The following ATXN1 variants were observed in gnomAD, a reference collection of about 807,000 sequenced individuals.
ATXN1 encodes ataxin-1.
Under a neutral mutation model 56.4 loss-of-function variants are expected in ATXN1, and 8 were observed. The observed-to-expected ratio is 0.14, with a 90% confidence interval of 0.08 to 0.26. ATXN1 has a LOEUF of 0.26. Among genes scored for constraint, ATXN1 ranks in the 10% least tolerant of loss-of-function variants. The pLI, the probability that ATXN1 is intolerant of heterozygous loss-of-function variation, is 1.00. For synonymous variants in ATXN1, 514 were observed against 494.6 expected (o/e 1.04, Z -0.52); for missense variants, 987 against 1,106.5 (o/e 0.89, Z 1.53).
intron 3 of ATXN1, among the ~76,000 whole-genome samples, chr6:16,588,088 T>G (rs1762660449): frequency 6.6e-6 from 1 of 152,128 alleles, no homozygotes; most frequent in South Asian, 2.1e-4. Context: ...CCTAGCTCAG[T>G]GATGGCATCA....
intron 2 of ATXN1, among the ~76,000 whole-genome samples, chr6:16,721,640 A>T (rs374014054): frequency 8.5e-5 from 13 of 152,284 alleles, no homozygotes; most frequent in Middle Eastern, 3.4e-3. Context: ...AAAAATAAAT[A>T]AATAAATACG....
chr6:16,617,135 G>A (rs1325297980), intron 3 of ATXN1, among the ~76,000 whole-genome samples: 1 of 151,856 alleles, frequency 6.6e-6, no homozygotes, highest in Non-Finnish European at 1.5e-5. Flanking sequence ...TACTGTATAA[G>A]GAAAATAAAG....
chr6:16,626,126 C>A (rs566261999), intron 3 of ATXN1, among the ~76,000 whole-genome samples: 1 of 152,240 alleles, frequency 6.6e-6, no homozygotes, highest in South Asian at 2.1e-4. Context: ...CCTAGTACAA[C>A]GCCTGACACA....
chr6:16,463,472 C>T (rs1581780272), intron 6 of ATXN1, among the ~76,000 whole-genome samples: 1 of 152,302 alleles, frequency 6.6e-6, no homozygotes, highest in East Asian at 1.9e-4. Context: ...ACTTCATTAT[C>T]CTACTACCAC....
At chr6:16,371,662 C>A (rs772604888) in intron 6 of ATXN1, among the ~76,000 whole-genome samples, 2 of 152,146 alleles carry the variant, frequency 1.3e-5, no homozygotes, top group Non-Finnish European at 2.9e-5. Context: ...AAGTGATCCT[C>A]CCATCTCAGC....
chr6:16,582,743 C>A (rs1355305478), intron 4 of ATXN1, among the ~76,000 whole-genome samples: 1 of 152,142 alleles, frequency 6.6e-6, no homozygotes, highest in Non-Finnish European at 1.5e-5. Context: ...TCTGGTAAGC[C>A]CTTGACAACC....
chr6:16,724,282 A>G (rs969621345), intron 2 of ATXN1, among the ~76,000 whole-genome samples: 1 of 152,066 alleles, frequency 6.6e-6, no homozygotes, highest in East Asian at 1.9e-4. Flanking sequence ...GAGAAAATTC[A>G]TGAAGTCTCC....
chr6:16,532,891 CA>C (rs556331086), intron 4 of ATXN1, among the ~76,000 whole-genome samples: 53 of 152,052 alleles, frequency 3.5e-4, no homozygotes, highest in South Asian at 1.9e-3. Context: ...GGTATATACC[CA>C]AAAAAACTGA....
At chr6:16,539,343 G>T (rs137936389) in intron 4 of ATXN1, among the ~76,000 whole-genome samples, 10 of 152,150 alleles carry the variant, frequency 6.6e-5, no homozygotes, top group African/African-American at 2.4e-4. Context: ...AAAGAAAAAA[G>T]AAACCCAGCC....
At chr6:16,733,581 AC>A (rs1760042465) in intron 2 of ATXN1, among the ~76,000 whole-genome samples, 1 of 151,236 alleles carries the variant, frequency 6.6e-6, no homozygotes, top group Non-Finnish European at 1.5e-5. Context: ...AAAAAAAGAA[AC>A]AGGCCAGGCA....
chr6:16,685,432 C>T (rs996127670), intron 2 of ATXN1, among the ~76,000 whole-genome samples: 3 of 152,166 alleles, frequency 2.0e-5, no homozygotes, highest in South Asian at 4.2e-4. Context: ...AGGGAGTTCC[C>T]CCGCCCACAG....
intron 2 of ATXN1, among the ~76,000 whole-genome samples, chr6:16,659,956 G>A (rs529607333): frequency 1.3e-5 from 2 of 152,058 alleles, no homozygotes; most frequent in African/African-American, 4.8e-5. Flanking sequence ...AAAAAATAAG[G>A]ACTCATCTAA....
chr6:16,678,415 T>A (rs746734022), intron 2 of ATXN1, among the ~76,000 whole-genome samples: 1 of 152,242 alleles, frequency 6.6e-6, no homozygotes, highest in Non-Finnish European at 1.5e-5. Flanking sequence ...TTTTATTCTA[T>A]CTTATATTAG....
intron 5 of ATXN1, among the ~76,000 whole-genome samples, chr6:16,501,349 C>T (rs1561728498): frequency 1.3e-5 from 2 of 152,122 alleles, no homozygotes; most frequent in Non-Finnish European, 1.5e-5. Context: ...GATACATGTG[C>T]AGAACATGCA....
intron 6 of ATXN1, among the ~76,000 whole-genome samples, chr6:16,379,707 C>A (rs754114138): frequency 6.6e-6 from 1 of 152,130 alleles, no homozygotes; most frequent in East Asian, 1.9e-4. Context: ...GAACCAGGCA[C>A]GTGTAGAGGT....
At chr6:16,344,644 G>T (rs1340299328) in intron 6 of ATXN1, among the ~76,000 whole-genome samples, 1 of 152,220 alleles carries the variant, frequency 6.6e-6, no homozygotes, top group African/African-American at 2.4e-5. Context: ...TTTGGCCACA[G>T]GCTGAAGGCT....
intron 3 of ATXN1, among the ~76,000 whole-genome samples, chr6:16,636,382 T>C (rs1295650318): frequency 3.3e-5 from 5 of 152,216 alleles, no homozygotes; most frequent in Non-Finnish European, 7.3e-5. Flanking sequence ...CCTACTTGTT[T>C]CTCCCCCAGC....
At chr6:16,543,918 T>C (rs1271426273) in intron 4 of ATXN1, among the ~76,000 whole-genome samples, 1 of 152,186 alleles carries the variant, frequency 6.6e-6, no homozygotes, top group Non-Finnish European at 1.5e-5. Context: ...AAAGACTCGA[T>C]TGCAGCATGG....
chr6:16,370,085 C>T lies in ATXN1; in HGVS notation c.-160-41615G>A, dbSNP rs147838562. On this transcript the variant is annotated intron_variant, in intron 6 of 7. Transcript: ENST00000436367. ...GACTGTCGTTCAAAGCCCCTTCACA[C>T]ACATTATGATCTGATCTGCTCCTCC... 2.5e-3 allele frequency among the ~76,000 whole-genome samples: 380 copies of T among 152,250 alleles called. 1 individual carries two copies. The highest frequency in any genetic ancestry group is 4.2e-3 in the Non-Finnish European group (285 of 68,028).
Sources: allele counts gnomAD v4.1 joint callset (sites outside exome capture counted in the v4.1 genomes callset), GRCh38; gene constraint gnomAD v4.1.1; transcripts MANE v1.5; gene names NCBI Gene and HGNC (gene_info 2026-07-23, HGNC 2026-07-21).